Variants in HSPBP1 observed in about 807,000 individuals in gnomAD.
The protein encoded by HSPBP1 is HSPA (Hsp70) binding protein 1, also known as hsp70-binding protein 1.
In HSPBP1, 31 loss-of-function variants were observed where a neutral mutation model predicts 41.7. The ratio of observed to expected loss-of-function variants is 0.74; its 90% confidence interval spans 0.56 to 1.00. The LOEUF is 1.00. HSPBP1 is among the 50% of genes least tolerant of loss of function. The pLI, the probability that HSPBP1 is intolerant of heterozygous loss-of-function variation, is 0.00. For missense variants in HSPBP1, 439 were observed against 487.9 expected (o/e 0.90, Z 0.94); for synonymous variants, 199 against 214.4 (o/e 0.93, Z 0.63).
At position 55,262,527 on chromosome 19, in the gene HSPBP1, T is replaced by C; in HGVS notation, c.*81A>G. The C allele has an allele frequency of 1.1e-5, 17 of 1,578,650 alleles. No homozygotes were observed. The highest frequency in any genetic ancestry group is 1.4e-5 in the Non-Finnish European group (16 of 1,162,096). On this transcript the variant is annotated 3_prime_UTR_variant, in exon 8 of 8. Transcript: ENST00000433386. ...CCAGGCACCTAGGCCCTGCGATCCC[T>C]TGGGAGAGGGCCTTGTAGGTGGGGA...
At chr19:55,269,234 T>C (rs1418489072) in intron 4 of HSPBP1, among the ~76,000 whole-genome samples, 1 of 152,124 alleles carries the variant, frequency 6.6e-6, no homozygotes, top group Non-Finnish European at 1.5e-5. Context: ...TAGATGCCAA[T>C]AGTCCCTCTC....
intron 4 of HSPBP1, among the ~76,000 whole-genome samples, chr19:55,273,164 AT>A (rs1446691381): frequency 6.6e-6 from 1 of 151,962 alleles, no homozygotes; most frequent in African/African-American, 2.4e-5. Flanking sequence ...TAATTTTTTA[AT>A]TTTTGTAGAG....
chr19:55,266,277 C>T lies in HSPBP1; in HGVS notation c.650G>A (p.Arg217Gln), dbSNP rs751005165. 4.4e-6 allele frequency: 7 copies of T among 1,575,326 alleles called. No homozygotes were observed. Among genetic ancestry groups the T allele is most frequent in the Admixed American group, 3.7e-5 (2 of 54,114 alleles). ...KALFAISCLV[R>Q]EQEAGLLQFL... The stretch of plus-strand genomic sequence containing the variant: ...CTGCAGCAGCCCAGCCTCCTGCTCT[C>T]GGACCAGACCTGGGAGAGGGGGAAA... Residue 217 changes from arginine to glutamine, a missense_variant, in exon 5 of 8, where the codon CGA (arginine) becomes CAA (glutamine). Transcript: ENST00000433386.
chr19:55,265,740 C>T, intron 6 of HSPBP1, 146 bp downstream of exon 6: 2 of 620,306 alleles, frequency 3.2e-6, no homozygotes, highest in Non-Finnish European at 5.7e-6. Context: ...GGCTCCCTGA[C>T]TCCTGCTCCT....
At position 55,265,275 on chromosome 19, in the gene HSPBP1, T is replaced by G. The variant is rs1568958998; in HGVS notation, c.1005+3A>C. Reference sequence around the variant, plus strand: ...CCTTGCACCCCGTCCCCTCCCCATGTACCTGGTACTCCTCATGCTGCTGCA... The same window carrying G: ...CCTTGCACCCCGTCCCCTCCCCATGGACCTGGTACTCCTCATGCTGCTGCA... On this transcript the variant is annotated splice_donor_region_variant and intron_variant, in intron 7 of 7. Transcript: ENST00000433386. The G allele has an allele frequency of 2.8e-6, 4 of 1,432,544 alleles. No individual in the cohort carries two copies. The highest frequency in any genetic ancestry group is 1.9e-4 in the Middle Eastern group (1 of 5,136). 88.7% of individuals were successfully genotyped at this position (1,432,544 alleles called of 1,614,324 possible). A position where few individuals can be genotyped will look rare whatever the true frequency, so the allele number is the denominator to read the frequency against.
chr19:55,266,240 C>G lies in HSPBP1; in HGVS notation c.687G>C (p.Leu229=). The G allele has an allele frequency of 6.3e-7, 1 of 1,583,752 alleles. No individual in the cohort carries two copies. Among genetic ancestry groups the G allele is most frequent in the Non-Finnish European group, 8.6e-7 (1 of 1,165,296 alleles). The change falls in exon 5 of 8, where the codon CTG becomes CTC. Residue 229 remains leucine, a synonymous_variant. Coordinates refer to ENST00000433386, the MANE Select transcript of HSPBP1 (RefSeq NM_012267.5). ...QEAGLLQFLR[L]DGFSVLMRAM... is the part of the protein sequence containing the mutation. ...CCCTCATCAACACAGAGAAGCCGTCCAGGCGGAGGAACTGCAGCAGCCCAG... is the reference window on the plus strand; with the variant it reads ...CCCTCATCAACACAGAGAAGCCGTCGAGGCGGAGGAACTGCAGCAGCCCAG...
chr19:55,276,163 G>A (rs796287475), intron 3 of HSPBP1, among the ~76,000 whole-genome samples: 3 of 145,862 alleles, frequency 2.1e-5, no homozygotes, highest in African/African-American at 7.5e-5. Flanking sequence ...ACATGGGCAC[G>A]CCGCCTTTAG....
chr19:55,274,070 T>G (rs545968706), intron 4 of HSPBP1, among the ~76,000 whole-genome samples: 1 of 152,050 alleles, frequency 6.6e-6, no homozygotes, highest in Non-Finnish European at 1.5e-5. Flanking sequence ...CTCAATGTCC[T>G]GTAGTGCACA....
rs909432042 is a variant in HSPBP1 at position 55,268,962 on chromosome 19, C to A, written c.641-2676G>T. Among the ~76,000 whole-genome samples, 1 of 152,128 alleles carries A rather than the reference C, an allele frequency of 6.6e-6. No homozygotes were observed. Among genetic ancestry groups the A allele is most frequent in the African/African-American group, 2.4e-5 (1 of 41,410 alleles). On this transcript the variant is annotated intron_variant, in intron 4 of 7. Coordinates refer to ENST00000433386, the MANE Select transcript of HSPBP1 (RefSeq NM_012267.5). This position sits in a 1 kb window ranked among gnomAD's most constrained non-coding sequence, Gnocchi z 4.5. ...TTGAGATTATAGGCATGAGTCACCA[C>A]GCCCAGCCAGATGTTATTTAATTAA...
intron 2 of HSPBP1, among the ~76,000 whole-genome samples, chr19:55,278,549 G>A (rs1796201953): frequency 6.6e-6 from 1 of 152,270 alleles, no homozygotes; most frequent in South Asian, 2.1e-4. Flanking sequence ...AGATGAGAAA[G>A]TTGAGTCACA....
intron 2 of HSPBP1, among the ~76,000 whole-genome samples, chr19:55,278,887 C>G (rs941166945): frequency 6.8e-6 from 1 of 147,616 alleles, no homozygotes; most frequent in Non-Finnish European, 1.5e-5. Context: ...GCACTCCAGC[C>G]GAGACTGTGT....
At chr19:55,266,485 C>T in intron 4 of HSPBP1, among the ~76,000 whole-genome samples, 199 bp from the exon 5 acceptor site, 1 of 136,504 alleles carries the variant, frequency 7.3e-6, no homozygotes, top group Non-Finnish European at 1.6e-5. Flanking sequence ...TCCTCACCAC[C>T]ACCACCATCA....
At chr19:55,273,236 C>T (rs1226328285) in intron 4 of HSPBP1, among the ~76,000 whole-genome samples, 3 of 152,158 alleles carry the variant, frequency 2.0e-5, no homozygotes, top group South Asian at 2.1e-4. Context: ...GCAATTCTCC[C>T]GCCTCGGCCT....
intron 4 of HSPBP1, among the ~76,000 whole-genome samples, chr19:55,271,388 T>C (rs1432832416): frequency 6.6e-6 from 1 of 152,072 alleles, no homozygotes; most frequent in Non-Finnish European, 1.5e-5. Flanking sequence ...ACTTCTTTTT[T>C]AATGCAAGCT....
rs1353279283 is a variant in HSPBP1 at position 55,268,730 on chromosome 19, TGGCAGTTGG to T, written c.641-2453_641-2445del. Among the ~76,000 whole-genome samples the T allele has an allele frequency of 1.3e-3, 193 of 152,318 alleles. 2 individuals carry two copies. In the East Asian group the frequency reaches 0.021, roughly 17 times the overall value. ...CTCTGTCGCCCAGGCTGGAGTGCAG[TGGCAGTTGG>T]CTCACTGCGACATACGTCTCTCGGG... On this transcript the variant is annotated intron_variant, in intron 4 of 7. Transcript: ENST00000433386. This position sits in a 1 kb window ranked among gnomAD's most constrained non-coding sequence, Gnocchi z 4.5.
At chr19:55,279,935 T>C in intron 1 of HSPBP1, 100 bp downstream of exon 1, 1 of 449,530 alleles carries the variant, frequency 2.2e-6, no homozygotes, top group Non-Finnish European at 4.1e-6. Flanking sequence ...GCAACCTCAC[T>C]GCTCCGCCTC....
Position 55,270,795 on chromosome 19 carries a change from CAT to C in HSPBP1, c.640+3601_640+3602del, listed in dbSNP as rs1293646952. Among the ~76,000 whole-genome samples, 4 of 150,848 alleles carry C rather than the reference CAT, an allele frequency of 2.7e-5. No individual in the cohort carries two copies. The highest frequency in any genetic ancestry group is 2.0e-4 in the Admixed American group (3 of 15,108). ...CCACACACCACACATACGCACCACA[CAT>C]ACACACCTCATATGCACCCCACATA... On this transcript the variant is annotated intron_variant, in intron 4 of 7. Coordinates refer to ENST00000433386, the MANE Select transcript of HSPBP1 (RefSeq NM_012267.5). The surrounding 1 kb of genome is among the most constrained non-coding windows in gnomAD (Gnocchi z 5.4).
chr19:55,278,719 G>T (rs1212054358), intron 2 of HSPBP1, among the ~76,000 whole-genome samples: 1 of 152,050 alleles, frequency 6.6e-6, no homozygotes, highest in East Asian at 1.9e-4. Flanking sequence ...TTCGAGACCA[G>T]CCTGGCCAAT....
chr19:55,266,470 C>T (rs1600134823), intron 4 of HSPBP1, among the ~76,000 whole-genome samples, 184 bp from the exon 5 acceptor site: 1 of 82,680 alleles, frequency 1.2e-5, no homozygotes, highest in Non-Finnish European at 2.5e-5. Context: ...TCACCATCAC[C>T]ACCATCCTCA....
Sources: gnomAD v4.1 joint callset for allele counts (sites outside exome capture counted in the v4.1 genomes callset) on GRCh38, gnomAD v4.1.1 for gene constraint, Gnocchi (gnomAD v3.1) non-coding constraint, MANE v1.5 for transcripts, NCBI Gene and HGNC (gene_info 2026-07-23, HGNC 2026-07-21) for gene names.